The following LRRC4C variants were observed in gnomAD, a reference collection of about 807,000 sequenced individuals.
LRRC4C encodes the protein leucine-rich repeat-containing protein 4C.
Under a neutral mutation model 33.6 loss-of-function variants are expected in LRRC4C, and 5 were observed. The ratio of observed to expected loss-of-function variants is 0.15; its 90% CI spans 0.08 to 0.31. LRRC4C has a LOEUF of 0.31. Ranked by LOEUF, LRRC4C falls within the 10% of genes least tolerant of loss-of-function variation. The pLI, the probability that LRRC4C is intolerant of heterozygous loss-of-function variation, is 1.00. For missense variants in LRRC4C, 560 were observed against 796.7 expected, an observed-to-expected ratio of 0.70 and a Z score of 3.58; for synonymous variants, 329 against 302.0, an observed-to-expected ratio of 1.09 and a Z score of -0.93.
At chr11:40,897,541 G>A in intron 2 of LRRC4C, among the ~76,000 whole-genome samples, 1 of 152,210 alleles carries the variant, frequency 6.6e-6, no homozygotes, top group South Asian at 2.1e-4. Context: ...AAATGTATAG[G>A]AAGTACCAAA....
At chr11:40,629,711 T>TTACTG (rs1483159722) in intron 3 of LRRC4C, among the ~76,000 whole-genome samples, 1 of 152,172 alleles carries the variant, frequency 6.6e-6, no homozygotes, top group Non-Finnish European at 1.5e-5. Flanking sequence ...AATGAAATGG[T>TTACTG]ATTGACCTTA....
chr11:41,451,829 G>C (rs1956034985), intron 1 of LRRC4C, among the ~76,000 whole-genome samples: 1 of 152,070 alleles, frequency 6.6e-6, no homozygotes, highest in African/African-American at 2.4e-5. Context: ...AAATGACCCT[G>C]AGCAAAAGTC....
At chr11:40,748,436 CA>C (rs1452542339) in intron 2 of LRRC4C, among the ~76,000 whole-genome samples, 1 of 151,984 alleles carries the variant, frequency 6.6e-6, no homozygotes, top group Non-Finnish European at 1.5e-5. Flanking sequence ...GTCGAAAGGA[CA>C]TTTACCATCA....
At chr11:40,326,148 T>C (rs1946092456) in intron 3 of LRRC4C, among the ~76,000 whole-genome samples, 1 of 152,126 alleles carries the variant, frequency 6.6e-6, no homozygotes, top group Non-Finnish European at 1.5e-5. Flanking sequence ...AGCATATTTG[T>C]CTAATAAGTC....
intron 1 of LRRC4C, among the ~76,000 whole-genome samples, chr11:41,133,763 T>C (rs927688283): frequency 2.0e-5 from 3 of 152,266 alleles, no homozygotes; most frequent in Admixed American, 6.5e-5. Flanking sequence ...CCATCAATCA[T>C]GCTACATAGC....
chr11:41,160,091 G>C (rs998189731), intron 1 of LRRC4C, among the ~76,000 whole-genome samples: 3 of 152,148 alleles, frequency 2.0e-5, no homozygotes, highest in African/African-American at 7.2e-5. Context: ...GTTACATCCA[G>C]GTAGAGAAGA....
chr11:40,693,579 C>G (rs1945331043), intron 2 of LRRC4C, among the ~76,000 whole-genome samples: 1 of 151,920 alleles, frequency 6.6e-6, no homozygotes, highest in Non-Finnish European at 1.5e-5. Context: ...GAGGTTGTTA[C>G]CAGCTAAATA....
At chr11:41,320,758 C>T (rs1379222581) in intron 1 of LRRC4C, among the ~76,000 whole-genome samples, 4 of 152,120 alleles carry the variant, frequency 2.6e-5, no homozygotes, top group African/African-American at 4.8e-5. Flanking sequence ...AGACCAGCAT[C>T]GTTAAACTTG....
intron 1 of LRRC4C, among the ~76,000 whole-genome samples, chr11:41,310,407 T>G (rs1950613828): frequency 6.6e-6 from 1 of 152,208 alleles, no homozygotes; most frequent in Non-Finnish European, 1.5e-5. Context: ...AGACTGGATT[T>G]AGAGAATCAG....
At chr11:40,547,985 C>G (rs1956992478) in intron 3 of LRRC4C, among the ~76,000 whole-genome samples, 1 of 151,956 alleles carries the variant, frequency 6.6e-6, no homozygotes, top group Non-Finnish European at 1.5e-5. Flanking sequence ...TTTAATCTAC[C>G]AGAATGAGTC....
intron 3 of LRRC4C, among the ~76,000 whole-genome samples, chr11:40,550,717 T>C (rs535531905): frequency 1.3e-5 from 2 of 152,278 alleles, no homozygotes; most frequent in Non-Finnish European, 2.9e-5. Context: ...AGAGGCTCAT[T>C]GGTGTTGCCC....
chr11:41,415,692 T>C (rs574338378), intron 1 of LRRC4C, among the ~76,000 whole-genome samples: 57 of 152,108 alleles, frequency 3.7e-4, no homozygotes, highest in African/African-American at 1.2e-3. Flanking sequence ...TTTTATGAGA[T>C]GTTGTAAAGA....
intron 1 of LRRC4C, among the ~76,000 whole-genome samples, chr11:41,187,307 A>G (rs1945738106): frequency 6.6e-6 from 1 of 152,218 alleles, no homozygotes; most frequent in Non-Finnish European, 1.5e-5. Context: ...GCATGCACAC[A>G]AGTGTCTGGA....
chr11:40,460,826 G>A (rs760710103), intron 3 of LRRC4C, among the ~76,000 whole-genome samples: 1 of 152,082 alleles, frequency 6.6e-6, no homozygotes, highest in Non-Finnish European at 1.5e-5. Context: ...GTGACTAAAT[G>A]ACTGACTGAA....
intron 3 of LRRC4C, among the ~76,000 whole-genome samples, chr11:40,615,238 T>TTTTATATATATATATA (rs1408452073): frequency 1.1e-5 from 1 of 88,176 alleles, no homozygotes; most frequent in African/African-American, 3.9e-5. Flanking sequence ...TTGATTTATT[T>TTTTATATATATATATA]TATATATATA....
At chr11:40,467,275 A>G (rs1008245932) in intron 3 of LRRC4C, among the ~76,000 whole-genome samples, 1 of 152,142 alleles carries the variant, frequency 6.6e-6, no homozygotes, top group South Asian at 2.1e-4. Flanking sequence ...CCTTCTACTC[A>G]TTCTTTAGCA....
At chr11:41,097,809 C>G (rs12223313) in intron 1 of LRRC4C, among the ~76,000 whole-genome samples, 12,017 of 152,106 alleles carry the variant, frequency 0.079, 592 homozygotes, top group East Asian at 0.19. Context: ...TTTCCTAAAT[C>G]ACACCAAGAC....
chr11:41,284,213 A>T (rs1949753330), intron 1 of LRRC4C, among the ~76,000 whole-genome samples: 2 of 152,210 alleles, frequency 1.3e-5, no homozygotes, highest in African/African-American at 4.8e-5. Flanking sequence ...TACTTACTGA[A>T]TTACCTATAT....
intron 1 of LRRC4C, among the ~76,000 whole-genome samples, chr11:41,386,580 A>AATTTGTAC: frequency 6.6e-6 from 1 of 151,876 alleles, no homozygotes; most frequent in Non-Finnish European, 1.5e-5. Flanking sequence ...GTACCTTTGT[A>AATTTGTAC]ATTTGATCAT....
Sources: gnomAD v4.1 joint callset for allele counts (sites outside exome capture counted in the v4.1 genomes callset) on GRCh38, gnomAD v4.1.1 for gene constraint, MANE v1.5 for transcripts, NCBI Gene and HGNC (gene_info 2026-07-23, HGNC 2026-07-21) for gene names.